SLC4A4: variants seen among roughly 807,000 people sequenced by gnomAD.
SLC4A4 encodes electrogenic sodium bicarbonate cotransporter 1.
SLC4A4 carries 27 observed loss-of-function variants against 111.5 expected under a neutral mutation model. The observed-to-expected ratio is 0.24, with a 90% CI of 0.18 to 0.33. The LOEUF is 0.33. SLC4A4 is among the 10% of genes least tolerant of loss of function. SLC4A4 has a pLI of 1.00. For synonymous variants in SLC4A4, 443 were observed against 463.4 expected, an observed-to-expected ratio of 0.96 and a Z score of 0.57; for missense variants, 909 against 1,315.5, an observed-to-expected ratio of 0.69 and a Z score of 4.78.
At chr4:71,233,832 C>A (rs942676061) in intron 1 of SLC4A4, among the ~76,000 whole-genome samples, 1 of 152,100 alleles carries the variant, frequency 6.6e-6, no homozygotes, top group Non-Finnish European at 1.5e-5. Context: ...TTTCACATAG[C>A]AGCCAGGGTA....
chr4:71,202,527 T>C (rs999549300), intron 1 of SLC4A4, among the ~76,000 whole-genome samples: 5 of 152,188 alleles, frequency 3.3e-5, no homozygotes, highest in Admixed American at 3.3e-4. Context: ...TTTTAAAATA[T>C]CAAGTGTGAA....
intron 3 of SLC4A4, among the ~76,000 whole-genome samples, chr4:71,283,061 A>C (rs1277717733): frequency 6.6e-6 from 1 of 152,184 alleles, no homozygotes; most frequent in Non-Finnish European, 1.5e-5. Flanking sequence ...ATACCTGCCA[A>C]GTGTTCTGTC....
At chr4:71,511,353 C>A (rs1731897926) in intron 16 of SLC4A4, among the ~76,000 whole-genome samples, 1 of 152,082 alleles carries the variant, frequency 6.6e-6, no homozygotes, top group Admixed American at 6.6e-5. Context: ...ATCTCTCCTT[C>A]ATTTTTGGAG....
At chr4:71,307,141 C>T (rs903290037) in intron 3 of SLC4A4, among the ~76,000 whole-genome samples, 1 of 152,036 alleles carries the variant, frequency 6.6e-6, no homozygotes. Flanking sequence ...AAGTGATTGC[C>T]TAAGTTTCAT....
intron 24 of SLC4A4, among the ~76,000 whole-genome samples, chr4:71,565,705 G>A (rs568998918): frequency 6.6e-6 from 1 of 151,930 alleles, no homozygotes; most frequent in Admixed American, 6.6e-5. Flanking sequence ...GAACAGAGCA[G>A]GTTTTGTTTC....
At chr4:71,258,396 G>T (rs762295054) in intron 3 of SLC4A4, among the ~76,000 whole-genome samples, 1 of 151,974 alleles carries the variant, frequency 6.6e-6, no homozygotes, top group Non-Finnish European at 1.5e-5. Flanking sequence ...CTTTCCCAAC[G>T]CCTTATGTTT....
chr4:71,386,859 A>G (rs917968833), intron 6 of SLC4A4, among the ~76,000 whole-genome samples: 1 of 152,174 alleles, frequency 6.6e-6, no homozygotes, highest in African/African-American at 2.4e-5. Flanking sequence ...ATGGTGCTCA[A>G]TTGTACATTT....
intron 8 of SLC4A4, among the ~76,000 whole-genome samples, chr4:71,447,294 G>C (rs992226870): frequency 4.6e-5 from 7 of 152,254 alleles, no homozygotes; most frequent in Admixed American, 4.6e-4. Context: ...TGATGGGTTT[G>C]CTCCAAAGAT....
chr4:71,501,353 C>G (rs1578054518), intron 16 of SLC4A4, among the ~76,000 whole-genome samples: 1 of 151,668 alleles, frequency 6.6e-6, no homozygotes, highest in East Asian at 1.9e-4. Context: ...TTGGTGGAGT[C>G]TTTATGTAAG....
At chr4:71,180,302 A>G (rs1156663448) in intron 2 of SLC4A4, among the ~76,000 whole-genome samples, 1 of 152,254 alleles carries the variant, frequency 6.6e-6, no homozygotes, top group African/African-American at 2.4e-5. Context: ...TAAGGACTTC[A>G]TGTCTAAAAC....
chr4:71,145,498 A>G (rs191160247), intron 2 of SLC4A4, among the ~76,000 whole-genome samples: 5 of 152,192 alleles, frequency 3.3e-5, no homozygotes, highest in African/African-American at 9.6e-5. Context: ...TTTTCTATTG[A>G]TTGGAATAGT....
At position 71,190,435 on chromosome 4, in the gene SLC4A4, C is replaced by A. The variant is rs1039735357; in HGVS notation, c.-2+3034C>A. Among the ~76,000 whole-genome samples the A allele has an allele frequency of 1.1e-4, 16 of 149,328 alleles. No homozygotes were observed. The South Asian group carries it at 3.0e-3, about 28-fold the overall frequency. On this transcript the variant is annotated intron_variant, in intron 1 of 25. Coordinates refer to ENST00000264485, the MANE Select transcript of SLC4A4 (RefSeq NM_001098484.3). The stretch of plus-strand genomic sequence containing the variant: ...ACACACACACACACACACACAGACA[C>A]AACTCATTTGTAGAGGTGGCTGATT...
At chr4:71,533,453 TCA>T (rs1734123392) in intron 17 of SLC4A4, among the ~76,000 whole-genome samples, 1 of 152,134 alleles carries the variant, frequency 6.6e-6, no homozygotes, top group Non-Finnish European at 1.5e-5. Context: ...AGAAAATAAT[TCA>T]CAGTGTTCTA....
intron 6 of SLC4A4, among the ~76,000 whole-genome samples, chr4:71,393,882 C>T (rs1446792368): frequency 1.3e-5 from 2 of 151,952 alleles, no homozygotes; most frequent in Non-Finnish European, 2.9e-5. Context: ...AACTGATCTC[C>T]AACAAAGCAA....
intron 14 of SLC4A4, among the ~76,000 whole-genome samples, chr4:71,482,312 T>C (rs1466657607): frequency 1.3e-5 from 2 of 151,724 alleles, no homozygotes; most frequent in Non-Finnish European, 3.0e-5. Flanking sequence ...AAGTGTTATA[T>C]ACTTTTTACT....
intron 2 of SLC4A4, among the ~76,000 whole-genome samples, chr4:71,099,253 T>A (rs1021261672): frequency 1.3e-5 from 2 of 152,100 alleles, no homozygotes; most frequent in Non-Finnish European, 2.9e-5. Context: ...CCAAACATAC[T>A]TTTGGACCAT....
intron 2 of SLC4A4, among the ~76,000 whole-genome samples, chr4:71,179,564 G>GACAA (rs542396722): frequency 0.18 from 26,730 of 149,950 alleles, 5,381 homozygotes; most frequent in African/African-American, 0.5. Flanking sequence ...ACCAATAACA[G>GACAA]ACAGAGAGCC....
intron 8 of SLC4A4, among the ~76,000 whole-genome samples, chr4:71,443,152 A>ATATATATATATATATATAT (rs1724918756): frequency 1.8e-5 from 2 of 113,950 alleles, no homozygotes; most frequent in African/African-American, 6.9e-5. Flanking sequence ...ATATATATAT[A>ATATATATATATATATATAT]AATTTTTTGA....
At chr4:71,262,006 T>C (rs1389938265) in intron 3 of SLC4A4, among the ~76,000 whole-genome samples, 4 of 152,132 alleles carry the variant, frequency 2.6e-5, no homozygotes, top group Admixed American at 2.0e-4. Context: ...GTGAAGTAAA[T>C]GGGGTATAAA....
Sources: gnomAD v4.1 joint callset for allele counts (sites outside exome capture counted in the v4.1 genomes callset) on GRCh38, gnomAD v4.1.1 for gene constraint, MANE v1.5 for transcripts, NCBI Gene and HGNC (gene_info 2026-07-23, HGNC 2026-07-21) for gene names.